The following SPTSSB variants were observed in gnomAD, a reference collection of about 807,000 sequenced individuals.
The protein encoded by SPTSSB is androgen down regulated in mouse prostate.
Under a neutral mutation model 7.7 loss-of-function variants are expected in SPTSSB, and 6 were observed. The ratio of observed to expected loss-of-function variants is 0.78; its 90% CI spans 0.43 to 1.54. SPTSSB has a LOEUF of 1.54. Ranked by LOEUF, SPTSSB falls within the 40% of genes most tolerant of loss-of-function variation. SPTSSB has a pLI of 0.01. For synonymous variants in SPTSSB, 28 were observed against 29.7 expected (o/e 0.94, Z 0.19); for missense variants, 91 against 93.0 (o/e 0.98, Z 0.09).
At chr3:161,347,185 C>G (rs1177659007) in intron 2 of SPTSSB, among the ~76,000 whole-genome samples, 1 of 152,144 alleles carries the variant, frequency 6.6e-6, no homozygotes, top group African/African-American at 2.4e-5. Flanking sequence ...CTTAAATACT[C>G]TTCATTTTTA....
chr3:161,348,174 A>G (rs1714345854), intron 2 of SPTSSB: 1 of 152,166 alleles, frequency 6.6e-6, no homozygotes, highest in Admixed American at 6.6e-5. Context: ...CAGGTACTAG[A>G]GAGGCTGAGG....
chr3:161,369,137 T>A lies in SPTSSB; in HGVS notation c.-126+2298A>T, dbSNP rs551556203. 2.6e-4 allele frequency among the ~76,000 whole-genome samples: 40 copies of A among 152,232 alleles called. No individual in the cohort carries two copies. In the South Asian group the frequency reaches 3.5e-3, roughly 13 times the overall value. ...CTATTCTCAACTTTTTGAGGAACGA[T>A]CAAACTCTCTTCTATAGCGATTGCA... On this transcript the variant is annotated intron_variant, in intron 1 of 2. Coordinates refer to ENST00000620149, the MANE Select transcript of SPTSSB (RefSeq NM_001040100.2).
chr3:161,360,499 T>C (rs1714961327), intron 1 of SPTSSB, among the ~76,000 whole-genome samples: 1 of 152,202 alleles, frequency 6.6e-6, no homozygotes, highest in Non-Finnish European at 1.5e-5. Flanking sequence ...TATTGTCTTA[T>C]GCATATATTA....
chr3:161,349,396 C>T (rs973153134), intron 2 of SPTSSB, among the ~76,000 whole-genome samples: 2 of 152,146 alleles, frequency 1.3e-5, no homozygotes, highest in Admixed American at 1.3e-4. Flanking sequence ...TTTTAAAGTC[C>T]TAAATTTTCA....
At chr3:161,353,717 C>T (rs1389066680) in intron 2 of SPTSSB, among the ~76,000 whole-genome samples, 1 of 152,224 alleles carries the variant, frequency 6.6e-6, no homozygotes, top group East Asian at 1.9e-4. Context: ...ATTAATGGGG[C>T]AAAACCTTAT....
intron 2 of SPTSSB, among the ~76,000 whole-genome samples, chr3:161,357,359 G>A (rs1401045374): frequency 6.6e-6 from 1 of 152,188 alleles, no homozygotes; most frequent in African/African-American, 2.4e-5. Flanking sequence ...CCTGAGAATA[G>A]TGTGGATATA....
At position 161,350,314 on chromosome 3, in the gene SPTSSB, C is replaced by T. The variant is rs904858562; in HGVS notation, c.-32-3959G>A. Among the ~76,000 whole-genome samples the T allele has an allele frequency of 2.9e-4, 44 of 152,252 alleles. 1 individual carries two copies. Among genetic ancestry groups the T allele is most frequent in the African/African-American group, 9.6e-4 (40 of 41,532 alleles). On this transcript the variant is annotated intron_variant, in intron 2 of 2. Coordinates refer to ENST00000620149, the MANE Select transcript of SPTSSB (RefSeq NM_001040100.2). ...CCCTCCCCCTGCCAAAAAAGAACTA[C>T]CCCAAGTTACTGGATTTTCTCATTA... is the stretch of plus-strand genomic sequence containing the variant.
At chr3:161,356,325 C>G (rs73019412) in intron 2 of SPTSSB, among the ~76,000 whole-genome samples, 2,461 of 152,238 alleles carry the variant, frequency 0.016, 72 homozygotes, top group African/African-American at 0.056. Flanking sequence ...AGAAGCCTGA[C>G]CATGAAAAGT....
intron 2 of SPTSSB, among the ~76,000 whole-genome samples, chr3:161,356,337 A>G (rs947232209): frequency 3.3e-5 from 5 of 152,228 alleles, no homozygotes; most frequent in Non-Finnish European, 7.3e-5. Context: ...ATGAAAAGTT[A>G]AGCCTTTTTC....
Position 161,346,441 on chromosome 3 carries a change from T to G in SPTSSB, c.-32-86A>C, listed in dbSNP as rs1714242323. The G allele has an allele frequency of 4.7e-6, 3 of 640,514 alleles. No individual in the cohort carries two copies. In the African/African-American group the frequency reaches 5.5e-5, roughly 12 times the overall value. The allele number at this position is 640,514 out of a possible 1,614,324, so 39.7% of individuals were successfully genotyped here. A position where few individuals can be genotyped will look rare whatever the true frequency, so the allele number is the denominator to read the frequency against. The stretch of plus-strand genomic sequence containing the variant: ...TCATGATCTCAGCATGTTAAAATCT[T>G]TCAAAGATTTGTTAAAGATCATTGA... On this transcript the variant is annotated intron_variant, in intron 2 of 2. Transcript: ENST00000620149.
In SPTSSB at chr3:161,345,879, A is replaced by C. The variant is rs925209952; in HGVS notation, c.*214T>G. ...ATGATTTGTGAGGTAAAGTCACTGT[A>C]TTATCTCCGGTCTAAAGCACAATGT... On this transcript the variant is annotated 3_prime_UTR_variant, in exon 3 of 3. Transcript: ENST00000620149. 15 of 430,804 alleles carry C rather than the reference A, an allele frequency of 3.5e-5. No individual in the cohort carries two copies. Among genetic ancestry groups the C allele is most frequent in the African/African-American group, 6.0e-5 (3 of 50,164 alleles). The allele number at this position is 430,804 out of a possible 1,614,324, so 26.7% of individuals were successfully genotyped here.
At position 161,366,550 on chromosome 3, in the gene SPTSSB, T is replaced by C. The variant is rs139956347; in HGVS notation, c.-126+4885A>G. On this transcript the variant is annotated intron_variant, in intron 1 of 2. Coordinates refer to ENST00000620149, the MANE Select transcript of SPTSSB (RefSeq NM_001040100.2). ...CAGTGGCCAGGTTTGTATGTGATTT[T>C]ACATTTTTCTAATTGCATGATCTTA... Among the ~76,000 whole-genome samples the C allele has an allele frequency of 3.3e-3, 502 of 152,326 alleles. 1 individual carries two copies. The highest frequency in any genetic ancestry group is 0.012 in the African/African-American group (483 of 41,584).
At chr3:161,353,676 C>T (rs910655407) in intron 2 of SPTSSB, among the ~76,000 whole-genome samples, 6 of 152,024 alleles carry the variant, frequency 3.9e-5, no homozygotes, top group African/African-American at 9.7e-5. Flanking sequence ...CTTATTGTAT[C>T]GGACACATGA....
In SPTSSB at chr3:161,345,853, T is replaced by C; in HGVS notation, c.*240A>G. ...AATTCATAGATTTGTGTTGACAGAA[T>C]ATGATTTGTGAGGTAAAGTCACTGT... On this transcript the variant is annotated 3_prime_UTR_variant, in exon 3 of 3. Transcript: ENST00000620149. 1 of 368,616 alleles carries C rather than the reference T, an allele frequency of 2.7e-6. No individual in the cohort carries two copies. Among genetic ancestry groups the C allele is most frequent in the Non-Finnish European group, 5.0e-6 (1 of 199,754 alleles). 22.8% of individuals were successfully genotyped at this position (368,616 alleles called of 1,614,324 possible). A position where few individuals can be genotyped will look rare whatever the true frequency, so the allele number is the denominator to read the frequency against.
chr3:161,357,483 C>T (rs1054427781), intron 2 of SPTSSB, among the ~76,000 whole-genome samples: 1 of 152,164 alleles, frequency 6.6e-6, no homozygotes, highest in Non-Finnish European at 1.5e-5. Flanking sequence ...CTGAATAAAG[C>T]TGGCTTGTTG....
intron 2 of SPTSSB, among the ~76,000 whole-genome samples, chr3:161,348,277 CAAAA>C: frequency 7.5e-6 from 1 of 133,540 alleles, no homozygotes. Flanking sequence ...CAAAACAAAA[CAAAA>C]CAAAACAAAA....
intron 2 of SPTSSB, among the ~76,000 whole-genome samples, chr3:161,355,971 G>C (rs1234280757): frequency 6.6e-6 from 1 of 152,160 alleles, no homozygotes; most frequent in Non-Finnish European, 1.5e-5. Flanking sequence ...AGAGTCTCAA[G>C]TTGGAATGGG....
intron 1 of SPTSSB, among the ~76,000 whole-genome samples, chr3:161,361,932 G>A (rs16832137): frequency 0.02 from 2,978 of 152,164 alleles, 39 homozygotes; most frequent in Non-Finnish European, 0.031. Flanking sequence ...GTAACTTGTG[G>A]AACAGCTTTT....
At chr3:161,369,351 TCTCTTTC>T (rs1715395425) in intron 1 of SPTSSB, among the ~76,000 whole-genome samples, 1 of 72,672 alleles carries the variant, frequency 1.4e-5, no homozygotes, top group African/African-American at 5.1e-5. Flanking sequence ...TTTCTTTCTT[TCTCTTTC>T]TTTCTCTCTC....
Sources: gnomAD v4.1 joint callset for allele counts (sites outside exome capture counted in the v4.1 genomes callset) on GRCh38, gnomAD v4.1.1 for gene constraint, MANE v1.5 for transcripts, NCBI Gene and HGNC (gene_info 2026-07-23, HGNC 2026-07-21) for gene names.